The following SNAP23 variants were observed in gnomAD, a reference collection of about 807,000 sequenced individuals.
The protein encoded by SNAP23 is synaptosome associated protein 23.
SNAP23 carries 11 observed loss-of-function variants against 29.0 expected under a neutral mutation model. That is an observed-to-expected ratio of 0.38 (90% CI 0.24 to 0.63). SNAP23 has a LOEUF of 0.63. Among genes scored for constraint, SNAP23 ranks in the 20% least tolerant of loss-of-function variants. The probability of loss-of-function intolerance (pLI) is 0.58; values close to 1 mark genes in which losing one functional copy is unlikely to be tolerated. For missense variants in SNAP23, 220 were observed against 253.9 expected (o/e 0.87, Z 0.91); for synonymous variants, 60 against 82.9 (o/e 0.72, Z 1.50).
At chr15:42,526,642 A>C (rs1340393781) in intron 5 of SNAP23, among the ~76,000 whole-genome samples, 1 of 152,230 alleles carries the variant, frequency 6.6e-6, no homozygotes, top group Non-Finnish European at 1.5e-5. Flanking sequence ...TGTAAAATGT[A>C]GAATAAATCA....
intron 5 of SNAP23, among the ~76,000 whole-genome samples, chr15:42,516,749 C>T (rs981810424): frequency 1.6e-4 from 24 of 152,202 alleles, no homozygotes; most frequent in Admixed American, 7.9e-4. Flanking sequence ...TATGAAACAA[C>T]ATTTTTATGC....
intron 5 of SNAP23, among the ~76,000 whole-genome samples, chr15:42,522,842 C>T (rs1403009905): frequency 4.1e-4 from 37 of 91,034 alleles, no homozygotes; most frequent in East Asian, 1.2e-3. Flanking sequence ...TAAAACTTGC[C>T]TTTTTTTTTT....
At chr15:42,513,896 C>T (rs2057377701) in intron 4 of SNAP23, among the ~76,000 whole-genome samples, 1 of 152,112 alleles carries the variant, frequency 6.6e-6, no homozygotes, top group African/African-American at 2.4e-5. Flanking sequence ...TCACTGCAAC[C>T]TCCTCCTCCT....
At chr15:42,505,880 C>T (rs190781165) in intron 1 of SNAP23, among the ~76,000 whole-genome samples, 2 of 150,474 alleles carry the variant, frequency 1.3e-5, no homozygotes, top group African/African-American at 4.9e-5. Context: ...TTTCTTATCT[C>T]CTCCCTTCCT....
intron 1 of SNAP23, among the ~76,000 whole-genome samples, chr15:42,500,208 A>C (rs2057257434): frequency 8.1e-6 from 1 of 124,046 alleles, no homozygotes; most frequent in East Asian, 2.3e-4. Context: ...TATCTGCAAC[A>C]CTCTGGACAT....
At chr15:42,491,924 A>AGTTAGTTAGTTAGTTAG (rs2057169318), upstream of SNAP23, among the ~76,000 whole-genome samples, 1 of 148,908 alleles carries the variant, frequency 6.7e-6, no homozygotes, top group African/African-American at 2.5e-5. Context: ...TTAGTTAGTT[A>AGTTAGTTAGTTAGTTAG]TTTTGAGATG....
At chr15:42,509,898 A>G (rs1425114565) in intron 1 of SNAP23, among the ~76,000 whole-genome samples, 2 of 151,958 alleles carry the variant, frequency 1.3e-5, no homozygotes, top group Non-Finnish European at 2.9e-5. Flanking sequence ...GTGAAACCCC[A>G]TCTCTACTAA....
chr15:42,493,175 C>G (rs908821347), upstream of SNAP23, among the ~76,000 whole-genome samples: 3 of 151,948 alleles, frequency 2.0e-5, no homozygotes, highest in Admixed American at 6.6e-5. Context: ...AACCGTGTCT[C>G]TACAAAAAAT....
chr15:42,516,071 A>G (rs2057394310), intron 5 of SNAP23, among the ~76,000 whole-genome samples: 1 of 152,120 alleles, frequency 6.6e-6, no homozygotes, highest in African/African-American at 2.4e-5. Context: ...TAGTAGAGGA[A>G]CTTGAATGCC....
intron 1 of SNAP23, among the ~76,000 whole-genome samples, chr15:42,502,472 G>A (rs2057280799): frequency 6.6e-6 from 1 of 152,150 alleles, no homozygotes. Flanking sequence ...TTGAGGCCAG[G>A]AGTTCAAGAC....
intron 5 of SNAP23, among the ~76,000 whole-genome samples, chr15:42,526,892 C>CAGTG (rs1237500308): frequency 6.7e-6 from 1 of 148,568 alleles, no homozygotes; most frequent in South Asian, 2.1e-4. Context: ...GGCTGGAGTG[C>CAGTG]AGTGGTGTGA....
At chr15:42,506,675 T>G (rs895732762) in intron 1 of SNAP23, among the ~76,000 whole-genome samples, 1 of 152,254 alleles carries the variant, frequency 6.6e-6, no homozygotes. Flanking sequence ...GTAGAAGAGA[T>G]AAAATTTCAT....
rs916982132 is a variant in SNAP23, at chr15:42,495,659, G to T, written c.-69G>T. ...AGGCGCGACTAGGGTGCAGCGCCAG[G>T]TCCGGTGTTGGGGTGTCCGAGTTGC... On this transcript the variant is annotated 5_prime_UTR_variant, in exon 1 of 8. Transcript: ENST00000249647. The T allele has an allele frequency of 2.6e-5, 4 of 152,478 alleles. No homozygotes were observed. Among genetic ancestry groups the T allele is most frequent in the African/African-American group, 9.6e-5 (4 of 41,478 alleles). 9.4% of individuals were successfully genotyped at this position (152,478 alleles called of 1,614,324 possible).
rs767500493 is a variant in SNAP23 at position 42,519,377 on chromosome 15, C to CT, written c.266+4035dup. ...ACCCTGTTTCTTTTCTTTTCTTTTT[C>CT]TTTTTTTTTTTTGAGACAGAGTTTT... On this transcript the variant is annotated intron_variant, in intron 5 of 7. Coordinates refer to ENST00000249647, the MANE Select transcript of SNAP23 (RefSeq NM_003825.4). 2.4e-3 allele frequency among the ~76,000 whole-genome samples: 331 copies of CT among 139,010 alleles called. 1 individual carries two copies. The highest frequency in any genetic ancestry group is 6.0e-3 in the African/African-American group (231 of 38,272). The allele number at this position is 139,010 out of a possible 152,430, so 91.2% of individuals were successfully genotyped here. A position where few individuals can be genotyped will look rare whatever the true frequency, so the allele number is the denominator to read the frequency against.
chr15:42,522,842 C>CTTTTTTTTTTTTTTTTT (rs5812226), intron 5 of SNAP23, among the ~76,000 whole-genome samples: 1 of 91,050 alleles, frequency 1.1e-5, no homozygotes, highest in African/African-American at 4.6e-5. Context: ...TAAAACTTGC[C>CTTTTTTTTTTTTTTTTT]TTTTTTTTTT....
rs977080195 is a variant in SNAP23 at position 42,529,672 on chromosome 15, T to C, written c.426-3T>C. The C allele has an allele frequency of 1.9e-6, 3 of 1,612,974 alleles. No individual in the cohort carries two copies. The highest frequency in any genetic ancestry group is 2.5e-6 in the Non-Finnish European group (3 of 1,179,638). Reference sequence around the variant, plus strand: ...TATGGAATTAACTGTCTTCTTGTGATAGCATAACTAATGATGCCAGAGAAG... The same window carrying C: ...TATGGAATTAACTGTCTTCTTGTGACAGCATAACTAATGATGCCAGAGAAG... On this transcript the variant is annotated splice_region_variant and splice_polypyrimidine_tract_variant and intron_variant, in intron 6 of 7. Coordinates refer to ENST00000249647, the MANE Select transcript of SNAP23 (RefSeq NM_003825.4).
intron 5 of SNAP23, chr15:42,521,383 A>C: frequency 2.2e-6 from 2 of 910,962 alleles, no homozygotes; most frequent in Non-Finnish European, 2.6e-6. Flanking sequence ...TCATCACCCA[A>C]AATTCTGAGG....
chr15:42,529,931 T>TC, intron 7 of SNAP23, 112 bp downstream of exon 7: 1 of 1,163,400 alleles, frequency 8.6e-7, no homozygotes, highest in Non-Finnish European at 1.2e-6. Context: ...CCTGTCCTCA[T>TC]AGGTCTTAAT....
At chr15:42,511,785 A>G in intron 1 of SNAP23, 48 bp from the exon 2 acceptor site, 1 of 1,144,438 alleles carries the variant, frequency 8.7e-7, no homozygotes, top group Non-Finnish European at 1.2e-6. Flanking sequence ...ACTTTTATAT[A>G]TCCTTATTCT....
Sources: gnomAD v4.1 joint callset for allele counts (sites outside exome capture counted in the v4.1 genomes callset) on GRCh38, gnomAD v4.1.1 for gene constraint, MANE v1.5 for transcripts, NCBI Gene and HGNC (gene_info 2026-07-23, HGNC 2026-07-21) for gene names.